GAD2: variants seen among roughly 807,000 people sequenced by gnomAD.
The protein encoded by GAD2 is 65 kDa glutamic acid decarboxylase.
A neutral mutation model predicts 80.1 loss-of-function variants in GAD2; 22 were observed. That is an observed-to-expected ratio of 0.27 (90% confidence interval 0.20 to 0.39). The LOEUF is 0.39. Among genes scored for constraint, GAD2 ranks in the 10% least tolerant of loss-of-function variants. GAD2 has a pLI of 1.00. For synonymous variants in GAD2, 274 were observed against 256.9 expected, an observed-to-expected ratio of 1.07 and a Z score of -0.64; for missense variants, 624 against 738.4, an observed-to-expected ratio of 0.85 and a Z score of 1.80.
chr10:26,275,687 G>A (rs1461576762), intron 11 of GAD2, among the ~76,000 whole-genome samples: 1 of 152,204 alleles, frequency 6.6e-6, no homozygotes, highest in Non-Finnish European at 1.5e-5. Context: ...CACATAATGT[G>A]TATGGCCACA....
chr10:26,276,007 T>A (rs912114173), intron 11 of GAD2, among the ~76,000 whole-genome samples: 2 of 151,930 alleles, frequency 1.3e-5, no homozygotes, highest in African/African-American at 4.8e-5. Flanking sequence ...TTGTTTTTTT[T>A]AAATTAGCCA....
At chr10:26,270,949 C>A (rs753772421) in intron 10 of GAD2, among the ~76,000 whole-genome samples, 193 bp downstream of exon 10, 1 of 152,164 alleles carries the variant, frequency 6.6e-6, no homozygotes, top group Non-Finnish European at 1.5e-5. Context: ...CCAGAAGCAT[C>A]CCAAGGCTGA....
chr10:26,288,579 G>A (rs1834174906), intron 13 of GAD2, among the ~76,000 whole-genome samples: 1 of 152,190 alleles, frequency 6.6e-6, no homozygotes, highest in Non-Finnish European at 1.5e-5. Context: ...GCTTTAAAAT[G>A]AGCAGGGTTT....
intron 8 of GAD2, among the ~76,000 whole-genome samples, chr10:26,258,631 T>A (rs1212995658): frequency 6.6e-6 from 1 of 152,204 alleles, no homozygotes; most frequent in East Asian, 1.9e-4. Flanking sequence ...AATGGAATCA[T>A]ACAGGATTCG....
intron 10 of GAD2, among the ~76,000 whole-genome samples, chr10:26,272,145 G>C (rs7072964): frequency 0.015 from 2,267 of 152,234 alleles, 64 homozygotes; most frequent in African/African-American, 0.05. Context: ...TTCCTGCAGA[G>C]CAATCACCAA....
intron 13 of GAD2, among the ~76,000 whole-genome samples, chr10:26,290,082 A>G (rs976142736): frequency 6.6e-6 from 1 of 152,182 alleles, no homozygotes; most frequent in African/African-American, 2.4e-5. Context: ...GCTGTGAAAA[A>G]AAATACCAGG....
chr10:26,266,221 T>C (rs1369640729), intron 8 of GAD2, among the ~76,000 whole-genome samples: 1 of 152,228 alleles, frequency 6.6e-6, no homozygotes. Context: ...CCTGCAACAC[T>C]GCTTGGCACA....
Position 26,242,282 on chromosome 10 carries a change from G to A in GAD2, c.841-3639G>A, listed in dbSNP as rs183637338. ...ATTACAGGCGTGAGCCACCGCGCCC[G>A]GCCACTGGTTCAATTTTTATATTTG... On this transcript the variant is annotated intron_variant, in intron 7 of 15. Coordinates refer to ENST00000376261, the MANE Select transcript of GAD2 (RefSeq NM_001134366.2). Among the ~76,000 whole-genome samples, 911 of 152,212 alleles carry A rather than the reference G, an allele frequency of 6.0e-3. 11 individuals carry two copies. Among genetic ancestry groups the A allele is most frequent in the Middle Eastern group, 0.014 (4 of 294 alleles).
In GAD2 at chr10:26,295,052, A is replaced by T. The variant is rs150443030; in HGVS notation, c.1584+2061A>T. ...CAGTCCATTATCACTGGGCTGAGGG[A>T]TGGAGCAAGATGGGAATACAGAATA... is the stretch of plus-strand genomic sequence containing the variant. On this transcript the variant is annotated intron_variant, in intron 15 of 15. Transcript: ENST00000376261. 2.0e-3 allele frequency among the ~76,000 whole-genome samples: 301 copies of T among 151,048 alleles called. No individual in the cohort carries two copies. In the Middle Eastern group the frequency reaches 0.034, roughly 17 times the overall value.
Position 26,216,943 on chromosome 10 carries a change from G to A in GAD2, c.76+58G>A, listed in dbSNP as rs1589134964. On this transcript the variant is annotated intron_variant, in intron 1 of 15. Coordinates refer to ENST00000376261, the MANE Select transcript of GAD2 (RefSeq NM_001134366.2). The surrounding 1 kb of genome is among the most constrained non-coding windows in gnomAD (Gnocchi z 4.7). ...AGTTTTGCGGTGGTCTGGGGTTTGC[G>A]GAACTACGGAGAAGACGAAGGAGGT... 2.1e-6 allele frequency: 3 copies of A among 1,442,462 alleles called. No homozygotes were observed. Among genetic ancestry groups the A allele is most frequent in the African/African-American group, 1.4e-5 (1 of 69,342 alleles). The allele number at this position is 1,442,462 out of a possible 1,614,324, so 89.4% of individuals were successfully genotyped here.
At chr10:26,222,050 TG>T (rs1253718086) in intron 4 of GAD2, among the ~76,000 whole-genome samples, 4 of 152,194 alleles carry the variant, frequency 2.6e-5, no homozygotes, top group African/African-American at 9.7e-5. Context: ...TGATCTGACC[TG>T]TCAAACTATC....
At chr10:26,220,533 G>A (rs1258043592) in intron 4 of GAD2, among the ~76,000 whole-genome samples, 2 of 152,114 alleles carry the variant, frequency 1.3e-5, no homozygotes, top group Non-Finnish European at 2.9e-5. Flanking sequence ...AGTTTTGAAG[G>A]TGTATTAGAC....
chr10:26,292,394 T>A (rs1834225529), intron 13 of GAD2, 71 bp from the exon 14 acceptor site: 3 of 1,104,488 alleles, frequency 2.7e-6, no homozygotes, highest in Non-Finnish European at 4.1e-6. Flanking sequence ...AGGATGACGG[T>A]CAGTCTCCAG....
At chr10:26,244,742 G>T (rs1158374798) in intron 7 of GAD2, among the ~76,000 whole-genome samples, 1 of 152,026 alleles carries the variant, frequency 6.6e-6, no homozygotes, top group Non-Finnish European at 1.5e-5. Flanking sequence ...ATGAGGAGTT[G>T]TTTAATGGGC....
At chr10:26,287,026 TTTAG>T (rs1199572509) in intron 13 of GAD2, among the ~76,000 whole-genome samples, 7 of 152,244 alleles carry the variant, frequency 4.6e-5, no homozygotes, top group African/African-American at 1.7e-4. Context: ...TCCCTCTGAA[TTTAG>T]CTGTAGGTGA....
In GAD2 at chr10:26,228,554, G is replaced by A. The variant is rs75498251; in HGVS notation, c.725-1108G>A. Among the ~76,000 whole-genome samples, 223 of 152,278 alleles carry A rather than the reference G, an allele frequency of 1.5e-3. 1 individual carries two copies. Among genetic ancestry groups the A allele is most frequent in the African/African-American group, 5.1e-3 (210 of 41,568 alleles). On this transcript the variant is annotated intron_variant, in intron 6 of 15. Coordinates refer to ENST00000376261, the MANE Select transcript of GAD2 (RefSeq NM_001134366.2). ...GTCCCCAACCCCCTGGTGGTGGATCGGTACAGGTCTGCGGTCTATTAGGAA... is the reference window on the plus strand; with the variant it reads ...GTCCCCAACCCCCTGGTGGTGGATCAGTACAGGTCTGCGGTCTATTAGGAA...
At chr10:26,279,856 T>C (rs1197285561) in intron 11 of GAD2, among the ~76,000 whole-genome samples, 1 of 152,180 alleles carries the variant, frequency 6.6e-6, no homozygotes, top group Non-Finnish European at 1.5e-5. Flanking sequence ...AAAATAACTC[T>C]GGATTAGGAA....
rs778647827 is a variant in GAD2, at chr10:26,219,299, A to G, written c.520+23A>G. 5.8e-6 allele frequency: 8 copies of G among 1,380,310 alleles called. No individual in the cohort carries two copies. In the South Asian group the frequency reaches 1.1e-4, roughly 18 times the overall value. The allele number at this position is 1,380,310 out of a possible 1,614,324, so 85.5% of individuals were successfully genotyped here. A position where few individuals can be genotyped will look rare whatever the true frequency, so the allele number is the denominator to read the frequency against. On this transcript the variant is annotated intron_variant, in intron 4 of 15. Transcript: ENST00000376261. ...CAGGTATTGTCTCATCGAAAATAAT[A>G]AAGCTCTTTTTTCGTTTACAATTTT...
intron 8 of GAD2, among the ~76,000 whole-genome samples, chr10:26,267,886 A>G (rs1845090534): frequency 6.6e-6 from 1 of 152,210 alleles, no homozygotes; most frequent in Non-Finnish European, 1.5e-5. Flanking sequence ...ACTTATTTCA[A>G]TATGTAAAAG....
Sources: allele counts gnomAD v4.1 joint callset (sites outside exome capture counted in the v4.1 genomes callset), GRCh38; gene constraint gnomAD v4.1.1; non-coding constraint Gnocchi (gnomAD v3.1); transcripts MANE v1.5; gene names NCBI Gene and HGNC (gene_info 2026-07-23, HGNC 2026-07-21).